Variants in RIC1 observed in about 807,000 individuals in gnomAD.
RIC1 encodes guanine nucleotide exchange factor subunit RIC1.
A neutral mutation model predicts 169.0 loss-of-function variants in RIC1; 88 were observed. That is an observed-to-expected ratio of 0.52 (90% CI 0.44 to 0.62). The LOEUF (loss-of-function observed/expected upper bound fraction) is 0.62, where lower values mean the gene tolerates loss of function less well. Ranked by LOEUF, RIC1 falls within the 20% of genes least tolerant of loss-of-function variation. RIC1 has a pLI of 0.00. For synonymous variants in RIC1, 790 were observed against 601.5 expected (o/e 1.31, Z -4.59); for missense variants, 1,877 against 1,725.5 (o/e 1.09, Z -1.56).
chr9:5,670,356 G>GA lies in RIC1; in HGVS notation c.252+13674dup, dbSNP rs531873151. Among the ~76,000 whole-genome samples, 16 of 152,042 alleles carry GA rather than the reference G, an allele frequency of 1.1e-4. No individual in the cohort carries two copies. In the South Asian group the frequency reaches 2.5e-3, roughly 24 times the overall value. On this transcript the variant is annotated intron_variant, in intron 2 of 25. Transcript: ENST00000414202. ...CCAGAATTGGTGAATGCTCTTAGGG[G>GA]AAAAAAAATCAGCTTACTTCTGAAC...
At chr9:5,658,562 C>G (rs569330174) in intron 2 of RIC1, among the ~76,000 whole-genome samples, 96 of 152,090 alleles carry the variant, frequency 6.3e-4, no homozygotes, top group African/African-American at 2.2e-3. Context: ...GAAAAAAATT[C>G]TCAAAGGAGT....
chr9:5,654,250 G>A (rs1818960181), intron 1 of RIC1, among the ~76,000 whole-genome samples: 1 of 151,402 alleles, frequency 6.6e-6, no homozygotes, highest in South Asian at 2.1e-4. Flanking sequence ...TGTTTGTTTG[G>A]TTTCTTTTTT....
chr9:5,658,444 A>G (rs1027435388), intron 2 of RIC1, among the ~76,000 whole-genome samples: 2 of 152,106 alleles, frequency 1.3e-5, no homozygotes, highest in African/African-American at 4.8e-5. Context: ...TTAGTTTTTG[A>G]TAAATTGACA....
At chr9:5,649,355 G>A (rs1327541820) in intron 1 of RIC1, among the ~76,000 whole-genome samples, 2 of 151,938 alleles carry the variant, frequency 1.3e-5, no homozygotes, top group Admixed American at 6.6e-5. Context: ...TCACTTTATG[G>A]TGTCCCATAT....
Position 5,720,635 on chromosome 9 carries a change from C to T in RIC1, c.605C>T (p.Thr202Ile), listed in dbSNP as rs149713037. 128 of 1,603,982 alleles carry T rather than the reference C, an allele frequency of 8.0e-5. No individual in the cohort carries two copies. Among genetic ancestry groups the T allele is most frequent in the Non-Finnish European group, 1.0e-4 (119 of 1,177,040 alleles). ...SSRVGSFLGF[T>I]DVHIRDMEYC... is the part of the protein sequence containing the mutation. Reference sequence around the variant, plus strand: ...TCAGTAGGTTCATTCCTGGGCTTCACAGACGTACACATCAGAGACATGGAA... The same window carrying T: ...TCAGTAGGTTCATTCCTGGGCTTCATAGACGTACACATCAGAGACATGGAA... Residue 202 changes from threonine to isoleucine, a missense_variant, in exon 6 of 26, where the codon ACA becomes ATA. By Grantham distance (89) the Thr-to-Ile change is moderately conservative. Around this residue, in one of 3 missense-constraint regions of RIC1, gnomAD observed 1,104 missense variants for 992.0 expected, o/e 1.11. Transcript: ENST00000414202.
chr9:5,688,174 T>C (rs1821364691), intron 2 of RIC1, among the ~76,000 whole-genome samples: 2 of 139,272 alleles, frequency 1.4e-5, no homozygotes, highest in African/African-American at 4.9e-5. Context: ...CTGATTGAGT[T>C]ATGCATTGTT....
chr9:5,728,311 C>T (rs754369129), intron 6 of RIC1, among the ~76,000 whole-genome samples: 12 of 152,238 alleles, frequency 7.9e-5, no homozygotes, highest in Admixed American at 7.2e-4. Flanking sequence ...TAGCAGTGAG[C>T]AAGGCTCCAT....
intron 21 of RIC1, among the ~76,000 whole-genome samples, chr9:5,767,409 T>C (rs1215269338): frequency 6.6e-6 from 1 of 152,106 alleles, no homozygotes; most frequent in Admixed American, 6.6e-5. Context: ...GTGTATTCCT[T>C]CCTATGTTCT....
intron 12 of RIC1, among the ~76,000 whole-genome samples, chr9:5,747,922 A>C (rs1825482248): frequency 6.6e-6 from 1 of 152,214 alleles, no homozygotes; most frequent in African/African-American, 2.4e-5. Context: ...GGCCACGTTG[A>C]GGTTAATCAT....
At chr9:5,648,436 T>A (rs1311240524) in intron 1 of RIC1, among the ~76,000 whole-genome samples, 1 of 152,226 alleles carries the variant, frequency 6.6e-6, no homozygotes, top group Non-Finnish European at 1.5e-5. Flanking sequence ...GGTGGACACT[T>A]AGGTTGATTC....
chr9:5,665,238 G>A (rs549497355), intron 2 of RIC1, among the ~76,000 whole-genome samples: 4 of 151,460 alleles, frequency 2.6e-5, no homozygotes, highest in Non-Finnish European at 5.9e-5. Context: ...TCTCTAAACT[G>A]GCTGCTTATC....
chr9:5,676,802 CT>C lies in RIC1; in HGVS notation c.253-13156del. ...GGTTTTATATAAATTAAGTCATACA[CT>C]GTATACTTATTTTTTCTAGTTTCTC... On this transcript the variant is annotated intron_variant, in intron 2 of 25. Coordinates refer to ENST00000414202, the MANE Select transcript of RIC1 (RefSeq NM_020829.4). Among the ~76,000 whole-genome samples the C allele has an allele frequency of 2.0e-5, 3 of 152,282 alleles. No individual in the cohort carries two copies. The Middle Eastern group carries it at 0.01, about 518-fold the overall frequency.
At chr9:5,719,253 C>T (rs1170982017) in intron 4 of RIC1, 1 of 152,230 alleles carries the variant, frequency 6.6e-6, no homozygotes, top group Non-Finnish European at 1.5e-5. Flanking sequence ...CCCTTTCCCT[C>T]TTCTTGCCTC....
At chr9:5,726,288 A>G (rs1823978231) in intron 6 of RIC1, among the ~76,000 whole-genome samples, 1 of 152,228 alleles carries the variant, frequency 6.6e-6, no homozygotes, top group East Asian at 1.9e-4. Flanking sequence ...TGTTGAATTG[A>G]TCCCTTTAGC....
At chr9:5,699,508 T>C (rs1003595816) in intron 3 of RIC1, among the ~76,000 whole-genome samples, 23 of 149,482 alleles carry the variant, frequency 1.5e-4, no homozygotes, top group Admixed American at 6.7e-4. Context: ...TTTTTTTTTT[T>C]CAAAAAACTG....
At chr9:5,663,007 C>T (rs1586902283) in intron 2 of RIC1, among the ~76,000 whole-genome samples, 1 of 152,180 alleles carries the variant, frequency 6.6e-6, no homozygotes, top group South Asian at 2.1e-4. Flanking sequence ...TTAGCTGCAT[C>T]CCAGAGATTC....
At chr9:5,654,337 C>G (rs1457366564) in intron 1 of RIC1, among the ~76,000 whole-genome samples, 1 of 152,092 alleles carries the variant, frequency 6.6e-6, no homozygotes, top group African/African-American at 2.4e-5. Flanking sequence ...GCCTCTGCCT[C>G]CCGGGTTCAA....
intron 4 of RIC1, among the ~76,000 whole-genome samples, chr9:5,717,769 G>T (rs895651816): frequency 6.7e-6 from 1 of 149,648 alleles, no homozygotes; most frequent in Admixed American, 6.7e-5. Flanking sequence ...CCCGGGAGGC[G>T]GAGGTTTCAG....
At chr9:5,699,263 A>T (rs1247435649) in intron 3 of RIC1, among the ~76,000 whole-genome samples, 1 of 152,100 alleles carries the variant, frequency 6.6e-6, no homozygotes, top group Non-Finnish European at 1.5e-5. Flanking sequence ...CATCCCAAAG[A>T]TGTACGCTTT....
Sources: gnomAD v4.1 joint callset for allele counts (sites outside exome capture counted in the v4.1 genomes callset) on GRCh38, gnomAD v4.1.1 for gene constraint, gnomAD v4.1.1 regional missense constraint, MANE v1.5 for transcripts, NCBI Gene and HGNC (gene_info 2026-07-23, HGNC 2026-07-21) for gene names.